Variants in CNOT4 observed in about 807,000 individuals in gnomAD.
CNOT4 encodes CCR4-associated factor 4.
Under a neutral mutation model 73.8 loss-of-function variants are expected in CNOT4, and 8 were observed. That is an observed-to-expected ratio of 0.11 (90% CI 0.06 to 0.20). The LOEUF is 0.20. Ranked by LOEUF, CNOT4 falls within the 10% of genes least tolerant of loss-of-function variation. The pLI is 1.00. For synonymous variants in CNOT4, 293 were observed against 321.1 expected, an observed-to-expected ratio of 0.91 and a Z score of 0.94; for missense variants, 564 against 883.4, an observed-to-expected ratio of 0.64 and a Z score of 4.58.
In CNOT4 at chr7:135,413,522, TC is replaced by T; in HGVS notation, c.652del (p.Asp218MetfsTer30). On this transcript the variant is annotated frameshift_variant, in exon 6 of 12. Transcript: ENST00000541284. LOFTEE classifies it high-confidence loss of function. ...PDCMYLHELGDEAASFTKEEM... is the reference protein window; with the variant it reads ...PDCMYLHELGXEAASFTKEEM... Reference sequence around the variant, plus strand: ...CTCTTTTGTGAAGCTGGCCGCCTCATCCCCCAATTCATGAAGATACATGCAG... The same window carrying T: ...CTCTTTTGTGAAGCTGGCCGCCTCATCCCCAATTCATGAAGATACATGCAG... 6.2e-7 allele frequency: 1 copy of T among 1,611,988 alleles called. No homozygotes were observed. Among genetic ancestry groups the T allele is most frequent in the Non-Finnish European group, 8.5e-7 (1 of 1,178,514 alleles).
chr7:135,449,891 T>A (rs1800061392), intron 1 of CNOT4, among the ~76,000 whole-genome samples: 1 of 151,838 alleles, frequency 6.6e-6, no homozygotes, highest in Non-Finnish European at 1.5e-5. Context: ...ACTTCATGAT[T>A]GGATATTCCA....
chr7:135,418,199 G>A (rs886672700), intron 3 of CNOT4, among the ~76,000 whole-genome samples: 2 of 152,186 alleles, frequency 1.3e-5, no homozygotes, highest in African/African-American at 4.8e-5. Context: ...GGCTGCCCAG[G>A]CAAGGGAAAA....
rs117424184 is a variant in CNOT4, at chr7:135,446,336, C to G, written c.-92-7913G>C. ...TGCTGAAAAAATTTCTGGAAACAGA[C>G]AGTGGTGATAGTTAAATAACAATGT... is the stretch of plus-strand genomic sequence containing the variant. On this transcript the variant is annotated intron_variant, in intron 1 of 11. Transcript: ENST00000541284. Among the ~76,000 whole-genome samples the G allele has an allele frequency of 1.6e-3, 237 of 152,256 alleles. 3 individuals carry two copies. The East Asian group carries it at 0.031, about 20-fold the overall frequency.
At position 135,478,094 on chromosome 7, in the gene CNOT4, C is replaced by T. The variant is rs570785791; in HGVS notation, c.-93+31795G>A. Among the ~76,000 whole-genome samples, 227 of 152,074 alleles carry T rather than the reference C, an allele frequency of 1.5e-3. 1 individual carries two copies. Among genetic ancestry groups the T allele is most frequent in the South Asian group, 4.6e-3 (22 of 4,830 alleles). ...ATTACTATACTAATTAACATATTTG[C>T]TAATTATTCTAGTCATTATAATTCT... On this transcript the variant is annotated intron_variant, in intron 1 of 11. Coordinates refer to ENST00000541284, the MANE Select transcript of CNOT4 (RefSeq NM_001190850.2).
At chr7:135,418,525 T>C (rs946726857) in intron 3 of CNOT4, among the ~76,000 whole-genome samples, 1 of 152,050 alleles carries the variant, frequency 6.6e-6, no homozygotes, top group African/African-American at 2.4e-5. Flanking sequence ...AAACAAAAAC[T>C]TGGTAATCAG....
intron 2 of CNOT4, among the ~76,000 whole-genome samples, chr7:135,435,517 A>G (rs1169603077): frequency 2.0e-5 from 3 of 152,148 alleles, no homozygotes; most frequent in South Asian, 2.1e-4. Context: ...TGTTCTTTTT[A>G]TAAGGAAATA....
chr7:135,509,614 G>A (rs759070093), intron 1 of CNOT4: 83 of 156,230 alleles, frequency 5.3e-4, no homozygotes, highest in Non-Finnish European at 8.2e-4. Flanking sequence ...AAGCCGCCTC[G>A]GCTCCCCAAT....
intron 3 of CNOT4, among the ~76,000 whole-genome samples, chr7:135,421,889 TC>T (rs1190326376): frequency 2.6e-5 from 4 of 152,210 alleles, no homozygotes; most frequent in African/African-American, 9.7e-5. Flanking sequence ...TATCCAATTT[TC>T]ACAGATTGTC....
intron 1 of CNOT4, among the ~76,000 whole-genome samples, chr7:135,489,658 A>C (rs1046602274): frequency 3.3e-5 from 5 of 152,062 alleles, no homozygotes; most frequent in Non-Finnish European, 7.4e-5. Context: ...AACCTCCAAA[A>C]GTGCTGGGAT....
intron 7 of CNOT4, among the ~76,000 whole-genome samples, chr7:135,405,352 C>T (rs182044779): frequency 1.4e-4 from 22 of 152,238 alleles, no homozygotes; most frequent in African/African-American, 4.8e-4. Context: ...CCATTTACAC[C>T]GAGTGATCTG....
chr7:135,477,872 A>C (rs1029108762), intron 1 of CNOT4, among the ~76,000 whole-genome samples: 23 of 152,188 alleles, frequency 1.5e-4, no homozygotes, highest in Admixed American at 3.9e-4. Context: ...CCACTCAGAC[A>C]CATAATCCTT....
chr7:135,392,722 C>A (rs1796464563), intron 10 of CNOT4, among the ~76,000 whole-genome samples: 1 of 152,120 alleles, frequency 6.6e-6, no homozygotes, highest in African/African-American at 2.4e-5. Flanking sequence ...TGTAAATTAA[C>A]TTCACTGTAT....
At chr7:135,383,436 A>T (rs1446226618) in intron 10 of CNOT4, among the ~76,000 whole-genome samples, 2 of 152,146 alleles carry the variant, frequency 1.3e-5, no homozygotes, top group Non-Finnish European at 2.9e-5. Context: ...GGTCCTCCCC[A>T]GCACTCTGCT....
At chr7:135,396,705 T>G (rs1219897968) in intron 8 of CNOT4, among the ~76,000 whole-genome samples, 2 of 151,312 alleles carry the variant, frequency 1.3e-5, no homozygotes, top group African/African-American at 2.5e-5. Flanking sequence ...TTGAAAGACT[T>G]GAGTGGTACT....
intron 6 of CNOT4, 127 bp from the exon 7 acceptor site, chr7:135,410,775 T>C (rs917968482): frequency 3.4e-6 from 2 of 585,988 alleles, no homozygotes; most frequent in Non-Finnish European, 4.6e-6. Context: ...AAATAAAATA[T>C]TAAATAAATT....
intron 2 of CNOT4, among the ~76,000 whole-genome samples, chr7:135,424,038 A>ACACAC (rs1183659747): frequency 8.0e-6 from 1 of 124,920 alleles, no homozygotes; most frequent in African/African-American, 3.3e-5. Flanking sequence ...ACAAACAAAC[A>ACACAC]AAACACACAC....
chr7:135,367,553 T>C (rs948740544), intron 10 of CNOT4, among the ~76,000 whole-genome samples: 2 of 152,234 alleles, frequency 1.3e-5, no homozygotes, highest in Non-Finnish European at 2.9e-5. Context: ...AGCACATTAC[T>C]TGCTAAATGC....
At chr7:135,466,035 C>A (rs977961217) in intron 1 of CNOT4, among the ~76,000 whole-genome samples, 1 of 150,972 alleles carries the variant, frequency 6.6e-6, no homozygotes, top group African/African-American at 2.4e-5. Context: ...GGCAACAAAG[C>A]GAGACTCCAT....
At chr7:135,416,540 C>T (rs1159986852) in intron 3 of CNOT4, among the ~76,000 whole-genome samples, 2 of 152,142 alleles carry the variant, frequency 1.3e-5, no homozygotes, top group Admixed American at 1.3e-4. Context: ...AGCAAAGTCT[C>T]AGGGTTGATA....
Sources: gnomAD v4.1 joint callset for allele counts (sites outside exome capture counted in the v4.1 genomes callset) on GRCh38, gnomAD v4.1.1 for gene constraint, MANE v1.5 for transcripts, NCBI Gene and HGNC (gene_info 2026-07-23, HGNC 2026-07-21) for gene names.